CTTNBP2: variants seen among roughly 807,000 people sequenced by gnomAD.
CTTNBP2 encodes cortactin-binding protein 2.
CTTNBP2 carries 108 observed loss-of-function variants against 156.9 expected under a neutral mutation model. That is an observed-to-expected ratio of 0.69 (90% CI 0.59 to 0.81). CTTNBP2 has a LOEUF of 0.81. CTTNBP2 is among the 30% of genes least tolerant of loss of function. The pLI, the probability that CTTNBP2 is intolerant of heterozygous loss-of-function variation, is 0.00. For missense variants in CTTNBP2, 1,924 were observed against 2,035.4 expected (o/e 0.95, Z 1.05); for synonymous variants, 767 against 751.8 (o/e 1.02, Z -0.33).
chr7:117,792,647 G>A lies in CTTNBP2; in HGVS notation c.549C>T (p.Gly183=), dbSNP rs1426693285. ...GCTTCTGGGCCTCCTCTATGACTTT[G>A]CCTGAGAGCTGCTTGCACTCTTTGA... ...MLVKECKQLS[G]KVIEEAQKLE... The change falls in exon 4 of 23, where the codon GGC becomes GGT. Residue 183 remains glycine, a synonymous_variant. Coordinates refer to ENST00000160373, the MANE Select transcript of CTTNBP2 (RefSeq NM_033427.3). This position sits in a 1 kb window ranked among gnomAD's most constrained non-coding sequence, Gnocchi z 4.2. 1.9e-6 allele frequency: 3 copies of A among 1,613,782 alleles called. No homozygotes were observed. The highest frequency in any genetic ancestry group is 4.5e-5 in the East Asian group (2 of 44,856).
chr7:117,725,363 G>T, intron 17 of CTTNBP2, 106 bp from the exon 18 acceptor site: 2 of 997,352 alleles, frequency 2.0e-6, no homozygotes, highest in Non-Finnish European at 3.1e-6. Context: ...AACGTTAAGT[G>T]TTTCTATAGA....
Position 117,792,236 on chromosome 7 carries a change from T to C in CTTNBP2, c.960A>G (p.Lys320=), listed in dbSNP as rs755998846. The C allele has an allele frequency of 6.2e-7, 1 of 1,614,228 alleles. No individual in the cohort carries two copies. Among genetic ancestry groups the C allele is most frequent in the Non-Finnish European group, 8.5e-7 (1 of 1,180,036 alleles). The change falls in exon 4 of 23, where the codon AAA becomes AAG. Residue 320 remains lysine (K), a synonymous_variant. Transcript: ENST00000160373. The surrounding 1 kb of genome is among the most constrained non-coding windows in gnomAD (Gnocchi z 4.2). ...DLVTENADHM[K]KLPLTMPVKP... is the part of the protein sequence containing the mutation. ...TTACAGGCATGGTTAAAGGCAACTT[T>C]TTCATGTGGTCAGCATTTTCTGTCA...
chr7:117,865,671 C>CAAAAAAAAAAAAAAAAAA (rs61533705), intron 1 of CTTNBP2, among the ~76,000 whole-genome samples: 6 of 74,504 alleles, frequency 8.1e-5, no homozygotes, highest in African/African-American at 1.6e-4. Context: ...ACTCCATCTC[C>CAAAAAAAAAAAAAAAAAA]AAAAAAAAAA....
At chr7:117,712,682 T>TGGCAGTTGC (rs752570043) in intron 22 of CTTNBP2, among the ~76,000 whole-genome samples, 2 of 152,226 alleles carry the variant, frequency 1.3e-5, no homozygotes, top group Non-Finnish European at 2.9e-5. Context: ...TGGCTTCATC[T>TGGCAGTTGC]GGCAGTTGCG....
rs553063917 is a variant in CTTNBP2, at chr7:117,845,858, C to CT, written c.189+15350dup. Reference sequence around the variant, plus strand: ...GTGTGGTTTCTGTTAATTTTTTTTTCTTTTTTTTTTGAGATGGAGTCTCGC... The same window carrying CT: ...GTGTGGTTTCTGTTAATTTTTTTTTCTTTTTTTTTTTGAGATGGAGTCTCGC... On this transcript the variant is annotated intron_variant, in intron 2 of 22. Coordinates refer to ENST00000160373, the MANE Select transcript of CTTNBP2 (RefSeq NM_033427.3). Among the ~76,000 whole-genome samples the CT allele has an allele frequency of 4.5e-3, 667 of 148,172 alleles. 5 individuals carry two copies. Among genetic ancestry groups the CT allele is most frequent in the African/African-American group, 8.1e-3 (328 of 40,498 alleles).
At chr7:117,739,812 A>G (rs948403591) in intron 14 of CTTNBP2, among the ~76,000 whole-genome samples, 2 of 152,200 alleles carry the variant, frequency 1.3e-5, no homozygotes, top group African/African-American at 4.8e-5. Flanking sequence ...AGTCCCAGGA[A>G]TGCAGGGCCC....
rs146746140 is a variant in CTTNBP2, at chr7:117,743,130, T to C, written c.3535+2701A>G. 1.5e-3 allele frequency among the ~76,000 whole-genome samples: 234 copies of C among 152,356 alleles called. 3 individuals carry two copies. Among genetic ancestry groups the C allele is most frequent in the African/African-American group, 5.4e-3 (224 of 41,592 alleles). On this transcript the variant is annotated intron_variant, in intron 14 of 22. Coordinates refer to ENST00000160373, the MANE Select transcript of CTTNBP2 (RefSeq NM_033427.3). Reference sequence around the variant, plus strand: ...GCTCTTTTTAAGAAGATGCCCACCATAGATCTAGAAATGCTGAGTTGGTCA... The same window carrying C: ...GCTCTTTTTAAGAAGATGCCCACCACAGATCTAGAAATGCTGAGTTGGTCA...
intron 4 of CTTNBP2, among the ~76,000 whole-genome samples, chr7:117,784,722 G>A (rs938385453): frequency 6.6e-6 from 1 of 152,164 alleles, no homozygotes; most frequent in Non-Finnish European, 1.5e-5. Flanking sequence ...TGTTAAAGTG[G>A]TGACTGGTTT....
intron 2 of CTTNBP2, among the ~76,000 whole-genome samples, chr7:117,819,135 T>C (rs35763042): frequency 0.025 from 3,825 of 152,216 alleles, 180 homozygotes; most frequent in African/African-American, 0.088. Context: ...TATCCAGCTG[T>C]AACTCTCTGT....
intron 1 of CTTNBP2, among the ~76,000 whole-genome samples, chr7:117,869,045 T>C (rs1190925968): frequency 3.3e-5 from 5 of 152,200 alleles, no homozygotes; most frequent in Non-Finnish European, 5.9e-5. Context: ...ACTCTTATTA[T>C]TGGAAGGATG....
intron 3 of CTTNBP2, among the ~76,000 whole-genome samples, chr7:117,802,452 A>AAC (rs1554432255): frequency 0.018 from 2,410 of 136,206 alleles, 59 homozygotes; most frequent in African/African-American, 0.065. Context: ...AAAAAAAAAA[A>AAC]AAAAACAAAA....
At chr7:117,759,967 C>T (rs995233889) in intron 10 of CTTNBP2, among the ~76,000 whole-genome samples, 2 of 152,196 alleles carry the variant, frequency 1.3e-5, no homozygotes, top group African/African-American at 4.8e-5. Flanking sequence ...CACCCTGATT[C>T]ATCCCATGTG....
At chr7:117,851,921 A>C (rs1327641890) in intron 2 of CTTNBP2, among the ~76,000 whole-genome samples, 4 of 152,178 alleles carry the variant, frequency 2.6e-5, no homozygotes, top group Non-Finnish European at 5.9e-5. Context: ...GAGACTCATC[A>C]ATAGAAAATC....
intron 8 of CTTNBP2, among the ~76,000 whole-genome samples, chr7:117,770,388 C>T (rs1477194265): frequency 6.6e-6 from 1 of 152,186 alleles, no homozygotes; most frequent in Non-Finnish European, 1.5e-5. Context: ...CATAGCCAAA[C>T]ACTACTACAA....
intron 14 of CTTNBP2, among the ~76,000 whole-genome samples, chr7:117,737,327 T>G (rs1367990628): frequency 6.6e-6 from 1 of 152,144 alleles, no homozygotes; most frequent in Non-Finnish European, 1.5e-5. Flanking sequence ...CACACAGGAT[T>G]GATGGTTTAT....
At position 117,857,140 on chromosome 7, in the gene CTTNBP2, CTGTT is replaced by C. The variant is rs372768705; in HGVS notation, c.189+4065_189+4068del. Among the ~76,000 whole-genome samples the C allele has an allele frequency of 4.5e-3, 691 of 152,244 alleles. 7 individuals are homozygous for C. The highest frequency in any genetic ancestry group is 0.016 in the African/African-American group (659 of 41,548). Reference sequence around the variant, plus strand: ...TCTTTGGACTTTATCTGAATGTTATCTGTTTGTTCAAAGATTTATTCCTACTCTA... The same window carrying C: ...TCTTTGGACTTTATCTGAATGTTATCTGTTCAAAGATTTATTCCTACTCTA... On this transcript the variant is annotated intron_variant, in intron 2 of 22. Coordinates refer to ENST00000160373, the MANE Select transcript of CTTNBP2 (RefSeq NM_033427.3).
At position 117,735,307 on chromosome 7, in the gene CTTNBP2, T is replaced by C; in HGVS notation, c.3650A>G (p.Glu1217Gly). 1 of 1,614,130 alleles carries C rather than the reference T, an allele frequency of 6.2e-7. No homozygotes were observed. Among genetic ancestry groups the C allele is most frequent in the Non-Finnish European group, 8.5e-7 (1 of 1,180,012 alleles). ...ELLRDFLAPL[E>G]NRSTESPCTF... is the part of the protein sequence containing the mutation. The stretch of plus-strand genomic sequence containing the variant: ...GCAGGGGCTTTCAGTGCTGCGATTT[T>C]CAAGAGGTGCCAAAAAGTCCCTCAA... The change falls in exon 15 of 23, where the codon GAA (glutamate) becomes GGA (glycine). Residue 1217 changes from glutamate (E) to glycine (G), a missense_variant. Transcript: ENST00000160373.
At chr7:117,763,714 C>T (rs967757685) in intron 9 of CTTNBP2, among the ~76,000 whole-genome samples, 4 of 151,756 alleles carry the variant, frequency 2.6e-5, no homozygotes, top group Non-Finnish European at 5.9e-5. Context: ...GGACTACAGG[C>T]ACGTGTCACC....
In CTTNBP2 at chr7:117,719,562, T is replaced by G; in HGVS notation, c.4586A>C (p.Asp1529Ala). The G allele has an allele frequency of 6.2e-7, 1 of 1,613,998 alleles. No homozygotes were observed. The highest frequency in any genetic ancestry group is 8.5e-7 in the Non-Finnish European group (1 of 1,179,888). Residue 1529 changes from aspartate to alanine, a missense_variant, in exon 21 of 23, where the codon GAT becomes GCT. Asp to Ala is a moderately radical substitution (Grantham distance 126, BLOSUM62 -2). Coordinates refer to ENST00000160373, the MANE Select transcript of CTTNBP2 (RefSeq NM_033427.3). ...CATGCTCTGAAGTTCCTTGACAAGA[T>G]CTGCTTCGTCATCTGAACCCAGAGA... Reference protein sequence around the residue: ...RLSLGSDDEADLVKELQSMCS... With the variant: ...RLSLGSDDEAALVKELQSMCS...
Sources: allele counts gnomAD v4.1 joint callset (sites outside exome capture counted in the v4.1 genomes callset), GRCh38; gene constraint gnomAD v4.1.1; non-coding constraint Gnocchi (gnomAD v3.1); transcripts MANE v1.5; gene names NCBI Gene and HGNC (gene_info 2026-07-23, HGNC 2026-07-21).